Variants in RPS6KA3 observed in about 807,000 individuals in gnomAD.
RPS6KA3 encodes the protein ribosomal protein S6 kinase A3, also known as ribosomal protein S6 kinase alpha-3.
In RPS6KA3, 4 loss-of-function variants were observed where a neutral mutation model predicts 67.2. The ratio of observed to expected loss-of-function variants is 0.06; its 90% CI spans 0.03 to 0.14. The LOEUF is 0.14. Among genes scored for constraint, RPS6KA3 ranks in the 10% least tolerant of loss-of-function variants. The probability of loss-of-function intolerance (pLI) is 1.00; values close to 1 mark genes in which losing one functional copy is unlikely to be tolerated. For synonymous variants in RPS6KA3, 182 were observed against 183.7 expected, an observed-to-expected ratio of 0.99 and a Z score of 0.07; for missense variants, 204 against 559.0, an observed-to-expected ratio of 0.36 and a Z score of 6.40.
intron 1 of RPS6KA3, among the ~76,000 whole-genome samples, chrX:20,257,487 G>A (rs1209454523): frequency 8.9e-6 from 1 of 112,140 alleles, no homozygotes; most frequent in Non-Finnish European, 1.9e-5. Context: ...TGCTGCACAC[G>A]CCAACTCTGA....
At chrX:20,263,417 A>G (rs979340442) in intron 1 of RPS6KA3, among the ~76,000 whole-genome samples, 2 of 112,409 alleles carry the variant, frequency 1.8e-5, no homozygotes, top group Non-Finnish European at 3.8e-5. Context: ...CCAGTTAGGA[A>G]GCTAGTTTGT....
intron 1 of RPS6KA3, among the ~76,000 whole-genome samples, chrX:20,260,381 A>G (rs748889922): frequency 1.8e-5 from 2 of 112,104 alleles, no homozygotes; most frequent in South Asian, 7.4e-4. Flanking sequence ...GGACTGTGAG[A>G]CATCTTCCAA....
chrX:20,235,750 C>T (rs1303180111), intron 1 of RPS6KA3, among the ~76,000 whole-genome samples: 2 of 111,351 alleles, frequency 1.8e-5, no homozygotes, highest in East Asian at 5.6e-4. Flanking sequence ...GGAAGGCAAT[C>T]CGAGTCCATA....
At chrX:20,164,533 C>T (rs927226228) in intron 18 of RPS6KA3, among the ~76,000 whole-genome samples, 4 of 108,880 alleles carry the variant, frequency 3.7e-5, no homozygotes, top group South Asian at 4.1e-4. Context: ...ACTACAGGCA[C>T]GCCACCATGC....
intron 1 of RPS6KA3, among the ~76,000 whole-genome samples, chrX:20,242,913 T>G (rs2069588326): frequency 9.0e-6 from 1 of 111,279 alleles, no homozygotes; most frequent in African/African-American, 3.3e-5. Flanking sequence ...AATATGTTGG[T>G]TCATTACACT....
intron 1 of RPS6KA3, among the ~76,000 whole-genome samples, chrX:20,243,759 G>A (rs772040402): frequency 1.8e-4 from 20 of 110,235 alleles, no homozygotes; most frequent in African/African-American, 6.3e-4. Context: ...CTCCCAAAGC[G>A]TTGGGATTAC....
intron 1 of RPS6KA3, among the ~76,000 whole-genome samples, chrX:20,250,361 T>A (rs894322210): frequency 9.0e-6 from 1 of 111,185 alleles, no homozygotes; most frequent in Non-Finnish European, 1.9e-5. Context: ...GCTAATTTTT[T>A]AAAAAATTGT....
At chrX:20,195,839 G>A (rs182001342) in intron 4 of RPS6KA3, among the ~76,000 whole-genome samples, 274 of 112,248 alleles carry the variant, frequency 2.4e-3, no homozygotes, top group Non-Finnish European at 3.9e-3. Flanking sequence ...GCTACACAAT[G>A]GGGATAACAC....
chrX:20,215,557 T>C (rs2068829667), intron 2 of RPS6KA3, among the ~76,000 whole-genome samples: 1 of 111,792 alleles, frequency 8.9e-6, no homozygotes, highest in Non-Finnish European at 1.9e-5. Flanking sequence ...TTTATATATA[T>C]GGAAAATTAC....
intron 3 of RPS6KA3, among the ~76,000 whole-genome samples, chrX:20,207,346 G>A (rs751224407): frequency 8.9e-6 from 1 of 112,023 alleles, no homozygotes; most frequent in South Asian, 3.7e-4. Context: ...AAATGAAATA[G>A]AACAGTTTGA....
chrX:20,215,616 T>C (rs950227798), intron 2 of RPS6KA3, among the ~76,000 whole-genome samples: 1 of 112,107 alleles, frequency 8.9e-6, no homozygotes, highest in African/African-American at 3.2e-5. Context: ...AATGCCCAGA[T>C]TGTACTTAAT....
intron 1 of RPS6KA3, chrX:20,240,497 C>G: frequency 2.6e-6 from 1 of 391,563 alleles, no homozygotes; most frequent in Non-Finnish European, 3.2e-6. Context: ...AAAGAATCTT[C>G]TATGCAATCA....
chrX:20,235,424 C>G (rs1474878708), intron 1 of RPS6KA3: 10 of 100,456 alleles, frequency 1.0e-4, no homozygotes, highest in Non-Finnish European at 1.6e-4. Flanking sequence ...AAACTGATTA[C>G]AAAAAAAAAA....
At chrX:20,218,955 T>C in intron 2 of RPS6KA3, 1 of 551,854 alleles carries the variant, frequency 1.8e-6, no homozygotes. Flanking sequence ...ATTAGAAAAT[T>C]TCCTGTCAGG....
intron 2 of RPS6KA3, among the ~76,000 whole-genome samples, chrX:20,210,990 T>C (rs1318196269): frequency 3.1e-4 from 32 of 104,793 alleles, no homozygotes; most frequent in Middle Eastern, 4.7e-3. Flanking sequence ...GGAAGCAAAT[T>C]ACCAAATTTA....
intron 1 of RPS6KA3, among the ~76,000 whole-genome samples, chrX:20,260,692 T>C (rs2070201000): frequency 8.9e-6 from 1 of 111,907 alleles, no homozygotes. Flanking sequence ...TCATTGTAAC[T>C]ATTGTTTATT....
At chrX:20,199,889 T>G (rs773321654) in intron 4 of RPS6KA3, among the ~76,000 whole-genome samples, 2 of 112,334 alleles carry the variant, frequency 1.8e-5, no homozygotes, top group Non-Finnish European at 3.8e-5. Flanking sequence ...TAGAAAATTC[T>G]TTCTGACCTA....
At chrX:20,171,357 C>T (rs2067569455) in intron 15 of RPS6KA3, among the ~76,000 whole-genome samples, 1 of 111,127 alleles carries the variant, frequency 9.0e-6, no homozygotes, top group Non-Finnish European at 1.9e-5. Context: ...ATACAGGTGC[C>T]CACTGTAATC....
At chrX:20,169,915 T>G (rs1050857241) in intron 15 of RPS6KA3, among the ~76,000 whole-genome samples, 1 of 111,836 alleles carries the variant, frequency 8.9e-6, no homozygotes, top group Non-Finnish European at 1.9e-5. Flanking sequence ...ACACCACCAC[T>G]AGCATCTGCT....
Sources: gnomAD v4.1 joint callset for allele counts (sites outside exome capture counted in the v4.1 genomes callset) on GRCh38, gnomAD v4.1.1 for gene constraint, MANE v1.5 for transcripts, NCBI Gene and HGNC (gene_info 2026-07-23, HGNC 2026-07-21) for gene names.